The following PARP9 variants were observed in gnomAD, a reference collection of about 807,000 sequenced individuals.
The protein encoded by PARP9 is protein mono-ADP-ribosyltransferase PARP9.
In PARP9, 48 loss-of-function variants were observed where a neutral mutation model predicts 68.8. That is an observed-to-expected ratio of 0.70 (90% CI 0.55 to 0.89). The LOEUF (loss-of-function observed/expected upper bound fraction) is 0.89. PARP9 is among the 40% of genes least tolerant of loss of function. The pLI is 0.00. For missense variants in PARP9, 806 were observed against 969.3 expected (o/e 0.83, Z 2.24); for synonymous variants, 309 against 333.8 (o/e 0.93, Z 0.81).
chr3:122,563,646 C>T (rs2080426150), intron 1 of PARP9, among the ~76,000 whole-genome samples: 1 of 152,094 alleles, frequency 6.6e-6, no homozygotes, highest in Non-Finnish European at 1.5e-5. Flanking sequence ...CTCCCAGGCC[C>T]CAGGCCCACT....
chr3:122,558,355 T>C (rs1382431683), intron 3 of PARP9, 79 bp downstream of exon 3: 1 of 1,614,000 alleles, frequency 6.2e-7, no homozygotes, highest in Non-Finnish European at 8.5e-7. Context: ...GAGACATTCT[T>C]CTGTATTCCC....
chr3:122,550,171 C>G (rs1349912329), intron 6 of PARP9, among the ~76,000 whole-genome samples: 1 of 152,104 alleles, frequency 6.6e-6, no homozygotes, highest in Non-Finnish European at 1.5e-5. Context: ...TCTCCGCCTC[C>G]CAGGTTCAAG....
chr3:122,534,432 C>T (rs750619691), intron 10 of PARP9: 14 of 985,322 alleles, frequency 1.4e-5, no homozygotes, highest in African/African-American at 1.7e-5. Flanking sequence ...TATACCTGTT[C>T]GGCAGCATGT....
At chr3:122,539,267 C>T (rs912693329) in intron 8 of PARP9, among the ~76,000 whole-genome samples, 16 of 152,332 alleles carry the variant, frequency 1.1e-4, no homozygotes, top group African/African-American at 3.8e-4. Context: ...CCTTCCCTGA[C>T]TTCCCAAGTC....
chr3:122,558,617 T>C (rs2079918158), intron 2 of PARP9, 150 bp from the exon 3 acceptor site: 2 of 900,522 alleles, frequency 2.2e-6, no homozygotes, highest in Non-Finnish European at 3.3e-6. Context: ...TTTTTTTAAA[T>C]CTGCATGCCC....
At chr3:122,550,493 C>T (rs1559853143) in intron 6 of PARP9, 91 bp downstream of exon 6, 2 of 1,085,580 alleles carry the variant, frequency 1.8e-6, no homozygotes, top group Non-Finnish European at 2.7e-6. Context: ...CCCTGCATCC[C>T]CTGCATCTTA....
At chr3:122,545,659 A>G (rs1489120023) in intron 6 of PARP9, 170 bp from the exon 7 acceptor site, 1 of 614,604 alleles carries the variant, frequency 1.6e-6, no homozygotes, top group Non-Finnish European at 2.9e-6. Flanking sequence ...AGAGGACCTC[A>G]GTCTATTAGA....
upstream of PARP9, chr3:122,564,747 G>A: frequency 3.5e-6 from 4 of 1,131,758 alleles, no homozygotes; most frequent in Non-Finnish European, 3.7e-6. Flanking sequence ...GGACAGGGAC[G>A]GGGCCCTACT....
At chr3:122,558,247 T>G in intron 3 of PARP9, 187 bp downstream of exon 3, 337 of 1,481,258 alleles carry the variant, frequency 2.3e-4, no homozygotes, top group Non-Finnish European at 2.9e-4. Flanking sequence ...GTGTAGGCCT[T>G]GAGAGAATAT....
At chr3:122,535,283 T>C (rs2077559558) in intron 10 of PARP9, 1 of 985,420 alleles carries the variant, frequency 1.0e-6, no homozygotes, top group Non-Finnish European at 1.2e-6. Context: ...TCCCCAGTAA[T>C]TGTCTATGTT....
intron 6 of PARP9, among the ~76,000 whole-genome samples, chr3:122,546,574 G>A (rs1300829049): frequency 1.3e-5 from 2 of 152,164 alleles, no homozygotes; most frequent in African/African-American, 4.8e-5. Context: ...CTTATTAAAA[G>A]GCTTATTAGA....
intron 3 of PARP9, among the ~76,000 whole-genome samples, 167 bp from the exon 4 acceptor site, chr3:122,556,288 T>A (rs1275472114): frequency 6.6e-6 from 1 of 150,598 alleles, no homozygotes; most frequent in Non-Finnish European, 1.5e-5. Context: ...CAACTACACA[T>A]ATAATTAGAC....
rs959527825 is a variant in PARP9 at position 122,558,995 on chromosome 3, C to T, written c.16-528G>A. On this transcript the variant is annotated intron_variant, in intron 2 of 10. Transcript: ENST00000682323. The stretch of plus-strand genomic sequence containing the variant: ...CCTCTGTAGTAACTGGGATTATAGG[C>T]GCCAGCCACCGCCAATGCATCTCAG... Among the ~76,000 whole-genome samples the T allele has an allele frequency of 3.3e-5, 5 of 152,260 alleles. No homozygotes were observed. In the East Asian group the frequency reaches 5.8e-4, roughly 18 times the overall value.
intron 1 of PARP9, among the ~76,000 whole-genome samples, chr3:122,561,619 T>C (rs2080211377): frequency 6.6e-6 from 1 of 152,210 alleles, no homozygotes; most frequent in Non-Finnish European, 1.5e-5. Context: ...CCTTGGTTCT[T>C]CTATTACCCT....
chr3:122,528,873 G>T, intron 10 of PARP9, 130 bp from the exon 11 acceptor site: 1 of 931,832 alleles, frequency 1.1e-6, no homozygotes, highest in Non-Finnish European at 1.5e-6. Flanking sequence ...GAGTTCCTGT[G>T]TCTATAGCAA....
At chr3:122,534,915 C>T in intron 10 of PARP9, 1 of 974,356 alleles carries the variant, frequency 1.0e-6, no homozygotes, top group Non-Finnish European at 1.2e-6. Context: ...ACTGCCTGAA[C>T]TTGAGCTGAT....
At chr3:122,560,393 TG>T (rs1261485832) in intron 1 of PARP9, among the ~76,000 whole-genome samples, 1 of 152,130 alleles carries the variant, frequency 6.6e-6, no homozygotes, top group Non-Finnish European at 1.5e-5. Flanking sequence ...TTTTTTTGTT[TG>T]TTTTTTTGTT....
intron 1 of PARP9, among the ~76,000 whole-genome samples, chr3:122,562,156 C>CTCTTTTCTTTTTTCTTT (rs201875467): frequency 4.3e-4 from 61 of 141,278 alleles, no homozygotes; most frequent in South Asian, 1.4e-3. Flanking sequence ...TGGCAATATA[C>CTCTTTTCTTTTTTCTTT]TCTTTTCTTT....
intron 10 of PARP9, chr3:122,535,041 A>G: frequency 2.0e-6 from 2 of 981,432 alleles, no homozygotes; most frequent in Non-Finnish European, 2.4e-6. Flanking sequence ...AGAGTCTGTC[A>G]CAGGACTGAA....
Sources: allele counts gnomAD v4.1 joint callset (sites outside exome capture counted in the v4.1 genomes callset), GRCh38; gene constraint gnomAD v4.1.1; transcripts MANE v1.5; gene names NCBI Gene and HGNC (gene_info 2026-07-23, HGNC 2026-07-21).